KDM2B: variants seen among roughly 807,000 people sequenced by gnomAD.
KDM2B encodes lysine demethylase 2B, also known as lysine-specific demethylase 2B.
KDM2B carries 26 observed loss-of-function variants against 150.0 expected under a neutral mutation model. That is an observed-to-expected ratio of 0.17 (90% confidence interval 0.13 to 0.24). The LOEUF (loss-of-function observed/expected upper bound fraction) is 0.24. Ranked by LOEUF, KDM2B falls within the 10% of genes least tolerant of loss-of-function variation. The pLI, the probability that KDM2B is intolerant of heterozygous loss-of-function variation, is 1.00. For missense variants in KDM2B, 1,265 were observed against 1,816.9 expected (o/e 0.70, Z 5.52); for synonymous variants, 734 against 729.5 (o/e 1.01, Z -0.10).
chr12:121,495,893 T>G (rs887614340), intron 11 of KDM2B, among the ~76,000 whole-genome samples: 19 of 151,822 alleles, frequency 1.3e-4, no homozygotes, highest in Admixed American at 1.1e-3. Context: ...ATGGGCTGCG[T>G]TGGACGGACT....
chr12:121,492,073 G>A (rs1239205767), intron 12 of KDM2B, among the ~76,000 whole-genome samples: 3 of 150,728 alleles, frequency 2.0e-5, no homozygotes, highest in Non-Finnish European at 4.4e-5. Context: ...TGGGAGGATC[G>A]CTTGATCCAG....
At chr12:121,510,960 G>A (rs1555303879) in intron 10 of KDM2B, among the ~76,000 whole-genome samples, 4 of 151,776 alleles carry the variant, frequency 2.6e-5, no homozygotes, top group Admixed American at 2.6e-4. Flanking sequence ...GGGCAGGGTA[G>A]GGAGATGAGA....
intron 22 of KDM2B, 79 bp downstream of exon 22, chr12:121,439,778 C>T (rs1874667583): frequency 7.5e-6 from 8 of 1,060,588 alleles, no homozygotes; most frequent in African/African-American, 3.1e-5. Flanking sequence ...TGTAGACACA[C>T]GAATCGTTTT....
intron 12 of KDM2B, among the ~76,000 whole-genome samples, chr12:121,487,793 CT>C (rs1248100789): frequency 0.036 from 4,920 of 135,726 alleles, 235 homozygotes; most frequent in African/African-American, 0.12. Context: ...GAAGCAGCTT[CT>C]TTTTTTTTTT....
At chr12:121,543,922 G>A (rs1888806528) in intron 6 of KDM2B, among the ~76,000 whole-genome samples, 2 of 151,902 alleles carry the variant, frequency 1.3e-5, no homozygotes, top group East Asian at 1.9e-4. Flanking sequence ...AGGAGGTCAA[G>A]ACCAGCCTGG....
At chr12:121,578,610 C>T (rs906080004) in intron 2 of KDM2B, among the ~76,000 whole-genome samples, 192 bp downstream of exon 2, 4 of 152,008 alleles carry the variant, frequency 2.6e-5, no homozygotes, top group African/African-American at 9.7e-5. Context: ...GGCCCATGCC[C>T]GGCCCCCCTT....
At chr12:121,563,206 T>A (rs1231939490) in intron 4 of KDM2B, among the ~76,000 whole-genome samples, 1 of 152,036 alleles carries the variant, frequency 6.6e-6, no homozygotes, top group Non-Finnish European at 1.5e-5. Context: ...TCCCAGCTAC[T>A]AGGGAGGCTG....
chr12:121,510,930 G>C (rs1352609519), intron 10 of KDM2B, among the ~76,000 whole-genome samples: 2 of 151,984 alleles, frequency 1.3e-5, no homozygotes, highest in African/African-American at 4.8e-5. Context: ...TAGATGAGTA[G>C]TTGCCTAGGG....
chr12:121,415,447 C>A, the KDM2B span: 2 of 188,234 alleles, frequency 1.1e-5, no homozygotes, highest in African/African-American at 4.6e-5. Context: ...ATGGTGAAAC[C>A]CAATCTCTAC....
chr12:121,427,359 G>A (rs1872557569), downstream of KDM2B, among the ~76,000 whole-genome samples: 1 of 152,036 alleles, frequency 6.6e-6, no homozygotes, highest in South Asian at 2.1e-4. Context: ...CCAACATGGT[G>A]GGTGAAACCC....
chr12:121,419,955 T>C, the KDM2B span: 2 of 306,008 alleles, frequency 6.5e-6, no homozygotes, highest in South Asian at 7.4e-5. Context: ...CCTTAATGGC[T>C]TTGGCATTCC....
At chr12:121,569,522 G>A (rs529977209) in intron 4 of KDM2B, among the ~76,000 whole-genome samples, 2 of 152,312 alleles carry the variant, frequency 1.3e-5, no homozygotes, top group Admixed American at 6.5e-5. Flanking sequence ...GTCCCCGGAG[G>A]TTACATGCTG....
intron 6 of KDM2B, among the ~76,000 whole-genome samples, chr12:121,545,667 C>T (rs1189414637): frequency 6.6e-6 from 1 of 152,160 alleles, no homozygotes; most frequent in Non-Finnish European, 1.5e-5. Flanking sequence ...CATGCCGTGG[C>T]CTCCTCATGT....
rs782343837 is a variant in KDM2B at position 121,513,263 on chromosome 12, C to G, written c.1174+13G>C. 4 of 1,612,138 alleles carry G rather than the reference C, an allele frequency of 2.5e-6. No homozygotes were observed. In the South Asian group the frequency reaches 4.4e-5, roughly 18 times the overall value. On this transcript the variant is annotated intron_variant, in intron 10 of 22. Coordinates refer to ENST00000377071, the MANE Select transcript of KDM2B (RefSeq NM_032590.5). This position sits in a 1 kb window ranked among gnomAD's most constrained non-coding sequence, Gnocchi z 5.0. ...GTGCAGCCGAGGCCGTGGGCTCCCT[C>G]CGGTTCACTCACCAATAAGCATCGA...
chr12:121,516,519 G>C (rs1555305024), intron 9 of KDM2B: 1 of 1,413,570 alleles, frequency 7.1e-7, no homozygotes, highest in South Asian at 1.3e-5. Flanking sequence ...TCAGCCACAT[G>C]CCTGGGGACA....
chr12:121,497,411 T>C (rs1469450712), intron 11 of KDM2B, among the ~76,000 whole-genome samples: 2 of 151,960 alleles, frequency 1.3e-5, no homozygotes, highest in Admixed American at 6.6e-5. Context: ...TTCAAGCGAG[T>C]CTCCTGCCTC....
chr12:121,413,464 T>C, the KDM2B span, among the ~76,000 whole-genome samples: 4 of 141,494 alleles, frequency 2.8e-5, no homozygotes, highest in South Asian at 9.4e-4. Flanking sequence ...CAAGCTGGAG[T>C]GCGGTGGCAC....
intron 8 of KDM2B, among the ~76,000 whole-genome samples, chr12:121,530,776 C>CT (rs1887602808): frequency 6.6e-6 from 1 of 152,082 alleles, no homozygotes; most frequent in African/African-American, 2.4e-5. Context: ...CCCCAGCTTG[C>CT]TTAAGTCACC....
At chr12:121,561,267 G>C (rs557269285) in intron 4 of KDM2B, among the ~76,000 whole-genome samples, 1 of 152,150 alleles carries the variant, frequency 6.6e-6, no homozygotes, top group Non-Finnish European at 1.5e-5. Context: ...ACTCCCCAGA[G>C]CCCGGCTCTT....
Sources: allele counts gnomAD v4.1 joint callset (sites outside exome capture counted in the v4.1 genomes callset), GRCh38; gene constraint gnomAD v4.1.1; non-coding constraint Gnocchi (gnomAD v3.1); transcripts MANE v1.5; gene names NCBI Gene and HGNC (gene_info 2026-07-23, HGNC 2026-07-21).